PDK1: variants seen among roughly 807,000 people sequenced by gnomAD.
PDK1 encodes the protein [Pyruvate dehydrogenase (acetyl-transferring)] kinase isozyme 1, mitochondrial.
A neutral mutation model predicts 54.2 loss-of-function variants in PDK1; 39 were observed. That is an observed-to-expected ratio of 0.72 (90% CI 0.56 to 0.94). The LOEUF (loss-of-function observed/expected upper bound fraction) is 0.94. Among genes scored for constraint, PDK1 ranks in the 40% least tolerant of loss-of-function variants. PDK1 has a pLI of 0.00. For synonymous variants in PDK1, 221 were observed against 207.1 expected (o/e 1.07, Z -0.58); for missense variants, 552 against 566.0 (o/e 0.98, Z 0.25).
chr2:172,693,595 T>C, the PDK1 span, among the ~76,000 whole-genome samples: 2,691 of 152,260 alleles, frequency 0.018, 75 homozygotes, highest in African/African-American at 0.061. Context: ...TAGCTCCATT[T>C]AAGTCCAAAT....
At chr2:172,671,323 T>A in the PDK1 span, among the ~76,000 whole-genome samples, 1 of 150,852 alleles carries the variant, frequency 6.6e-6, no homozygotes, top group African/African-American at 2.4e-5. Context: ...TAAATAATTA[T>A]GTTATAACTA....
At chr2:172,587,272 C>A (rs1690286696) in intron 9 of PDK1, among the ~76,000 whole-genome samples, 1 of 152,140 alleles carries the variant, frequency 6.6e-6, no homozygotes, top group African/African-American at 2.4e-5. Context: ...GGAGTTTCTT[C>A]CTCCCGGTGA....
the PDK1 span, among the ~76,000 whole-genome samples, chr2:172,669,621 C>T: frequency 1.3e-5 from 2 of 152,120 alleles, no homozygotes; most frequent in Non-Finnish European, 2.9e-5. Context: ...AATGGCTGTA[C>T]TAATTTACAA....
the PDK1 span, among the ~76,000 whole-genome samples, chr2:172,653,926 GA>G: frequency 4.0e-5 from 6 of 151,898 alleles, no homozygotes; most frequent in Non-Finnish European, 7.4e-5. Flanking sequence ...AAATTTACAA[GA>G]AAAAAACAAA....
chr2:172,703,973 C>T, the PDK1 span, among the ~76,000 whole-genome samples: 228 of 151,898 alleles, frequency 1.5e-3, 1 homozygote, highest in Non-Finnish European at 2.9e-3. Flanking sequence ...AGGGTTTCAC[C>T]ATGTTAGCTA....
chr2:172,700,921 C>A, the PDK1 span, among the ~76,000 whole-genome samples: 3 of 152,056 alleles, frequency 2.0e-5, no homozygotes, highest in Admixed American at 6.5e-5. Flanking sequence ...GAGAATCAGG[C>A]AGGGAGGTTG....
chr2:172,679,845 T>C, the PDK1 span, among the ~76,000 whole-genome samples: 1 of 151,904 alleles, frequency 6.6e-6, no homozygotes, highest in Non-Finnish European at 1.5e-5. Context: ...GAACACAGGT[T>C]AAATCTCTAA....
At chr2:172,619,216 C>A in the PDK1 span, among the ~76,000 whole-genome samples, 2 of 152,174 alleles carry the variant, frequency 1.3e-5, no homozygotes, top group African/African-American at 4.8e-5. Context: ...TGGGATACAT[C>A]ATGTGGACAT....
the PDK1 span, among the ~76,000 whole-genome samples, chr2:172,699,336 A>G: frequency 6.6e-6 from 1 of 152,276 alleles, no homozygotes; most frequent in South Asian, 2.1e-4. Context: ...ACCTCAACTG[A>G]GTAAAACTAG....
chr2:172,646,213 T>A, the PDK1 span, among the ~76,000 whole-genome samples: 296 of 152,350 alleles, frequency 1.9e-3, no homozygotes, highest in African/African-American at 7.0e-3. Flanking sequence ...GTGATTCTCA[T>A]ACAAAAGGAG....
the PDK1 span, among the ~76,000 whole-genome samples, chr2:172,631,264 T>G: frequency 6.6e-6 from 1 of 152,262 alleles, no homozygotes; most frequent in Non-Finnish European, 1.5e-5. Flanking sequence ...TCGTATGTCA[T>G]TCTATTCCAC....
intron 10 of PDK1, among the ~76,000 whole-genome samples, chr2:172,595,316 T>C (rs1690830550): frequency 6.6e-6 from 1 of 152,170 alleles, no homozygotes; most frequent in Admixed American, 6.5e-5. Context: ...GCAATCTTCC[T>C]GTGTAAGCCT....
At chr2:172,565,882 GTTAA>G (rs1274067297) in intron 5 of PDK1, among the ~76,000 whole-genome samples, 4 of 152,148 alleles carry the variant, frequency 2.6e-5, no homozygotes, top group African/African-American at 9.7e-5. Flanking sequence ...ATCAGTATGT[GTTAA>G]TTAATTCTCC....
the PDK1 span, among the ~76,000 whole-genome samples, chr2:172,656,080 C>G: frequency 6.6e-6 from 1 of 152,190 alleles, no homozygotes; most frequent in Non-Finnish European, 1.5e-5. Flanking sequence ...ATTATCTGCA[C>G]TAAATTCACT....
chr2:172,707,019 C>G, the PDK1 span, among the ~76,000 whole-genome samples: 6 of 152,116 alleles, frequency 3.9e-5, no homozygotes, highest in Non-Finnish European at 5.9e-5. Context: ...CCTTTGTGGC[C>G]TCCATTGACA....
At chr2:172,588,649 C>G (rs1690395049) in intron 9 of PDK1, among the ~76,000 whole-genome samples, 1 of 152,216 alleles carries the variant, frequency 6.6e-6, no homozygotes, top group Non-Finnish European at 1.5e-5. Flanking sequence ...AGCCTCCTTT[C>G]TGCTGACATC....
chr2:172,633,712 T>C, the PDK1 span, among the ~76,000 whole-genome samples: 2 of 150,770 alleles, frequency 1.3e-5, no homozygotes, highest in Admixed American at 1.3e-4. Flanking sequence ...TATAATAAAG[T>C]TTTTATTTTA....
rs1053121873 is a variant in PDK1 at position 172,605,101 on chromosome 2, G to A, written c.*9132G>A. On this transcript the variant is annotated 3_prime_UTR_variant, in exon 11 of 11. Transcript: ENST00000282077. The stretch of plus-strand genomic sequence containing the variant: ...GCACAGGGCTTGGTTGGCCCATTTA[G>A]TTAGTGACACACCTATATTACTCTC... 2 of 152,152 alleles carry A rather than the reference G, an allele frequency of 1.3e-5. No homozygotes were observed. Among genetic ancestry groups the A allele is most frequent in the Admixed American group, 6.5e-5 (1 of 15,280 alleles). 9.4% of individuals were successfully genotyped at this position (152,152 alleles called of 1,614,324 possible).
chr2:172,587,602 G>A (rs1349403074), intron 9 of PDK1, among the ~76,000 whole-genome samples: 2 of 152,154 alleles, frequency 1.3e-5, no homozygotes, highest in Non-Finnish European at 2.9e-5. Context: ...TTATTGTGAA[G>A]AGCAAAAGAA....
Sources: gnomAD v4.1 joint callset for allele counts (sites outside exome capture counted in the v4.1 genomes callset) on GRCh38, gnomAD v4.1.1 for gene constraint, MANE v1.5 for transcripts, NCBI Gene and HGNC (gene_info 2026-07-23, HGNC 2026-07-21) for gene names.